The following ERC2 variants were observed in gnomAD, a reference collection of about 807,000 sequenced individuals.
ERC2 encodes the protein ELKS/RAB6-interacting/CAST family member 2.
Under a neutral mutation model 114.8 loss-of-function variants are expected in ERC2, and 42 were observed. The ratio of observed to expected loss-of-function variants is 0.37; its 90% CI spans 0.29 to 0.47. The LOEUF is 0.47. Among genes scored for constraint, ERC2 ranks in the 20% least tolerant of loss-of-function variants. ERC2 has a pLI of 0.99. For missense variants in ERC2, 939 were observed against 1,150.7 expected (o/e 0.82, Z 2.66); for synonymous variants, 454 against 425.5 (o/e 1.07, Z -0.82).
intron 17 of ERC2, among the ~76,000 whole-genome samples, chr3:55,678,962 C>T (rs1020682962): frequency 7.2e-5 from 11 of 152,202 alleles, no homozygotes; most frequent in Admixed American, 4.6e-4. Flanking sequence ...TCAGTGCCAT[C>T]AATTCTCTCA....
intron 2 of ERC2, among the ~76,000 whole-genome samples, chr3:56,310,689 G>A (rs1457747467): frequency 6.6e-6 from 1 of 152,082 alleles, no homozygotes; most frequent in Non-Finnish European, 1.5e-5. Context: ...CTCCAACCCT[G>A]AGAAGGGAGA....
chr3:55,637,754 C>G (rs1205428148), intron 17 of ERC2, among the ~76,000 whole-genome samples: 1 of 152,102 alleles, frequency 6.6e-6, no homozygotes, highest in Non-Finnish European at 1.5e-5. Context: ...CGAGCATCGT[C>G]ACTGGCACAC....
chr3:55,632,422 T>G (rs1207373795), intron 17 of ERC2, among the ~76,000 whole-genome samples: 1 of 152,198 alleles, frequency 6.6e-6, no homozygotes, highest in Non-Finnish European at 1.5e-5. Flanking sequence ...AATCTGGTCT[T>G]AATTCACTGC....
intron 17 of ERC2, among the ~76,000 whole-genome samples, chr3:55,683,293 A>G (rs1020112711): frequency 6.6e-6 from 1 of 152,222 alleles, no homozygotes; most frequent in African/African-American, 2.4e-5. Flanking sequence ...ACAATCCATT[A>G]AACGGCCTTC....
intron 17 of ERC2, among the ~76,000 whole-genome samples, chr3:55,646,143 A>T (rs1388926611): frequency 1.3e-5 from 2 of 152,078 alleles, no homozygotes; most frequent in Non-Finnish European, 2.9e-5. Flanking sequence ...TGTAATAGTG[A>T]ATTTTTGCTT....
chr3:55,647,136 G>C (rs2060428866), intron 17 of ERC2: 2 of 152,076 alleles, frequency 1.3e-5, no homozygotes, highest in Non-Finnish European at 1.5e-5. Context: ...TCCTCTGTAG[G>C]TTCCTCTGCT....
intron 5 of ERC2, among the ~76,000 whole-genome samples, chr3:56,144,574 G>A (rs772694463): frequency 2.8e-4 from 43 of 152,286 alleles, no homozygotes; most frequent in Non-Finnish European, 4.7e-4. Flanking sequence ...AGCCAGTGTC[G>A]GGTTTGGTGT....
At chr3:56,433,556 T>C (rs2061888418) in intron 2 of ERC2, among the ~76,000 whole-genome samples, 1 of 152,310 alleles carries the variant, frequency 6.6e-6, no homozygotes, top group South Asian at 2.1e-4. Flanking sequence ...AGGCTGGAAA[T>C]GTTGGCCCAG....
chr3:55,745,530 C>CTT (rs1329971789), intron 14 of ERC2, among the ~76,000 whole-genome samples: 7 of 152,192 alleles, frequency 4.6e-5, no homozygotes, highest in Non-Finnish European at 8.8e-5. Flanking sequence ...GATGATGGTG[C>CTT]TTGGTCATTC....
Position 56,205,371 on chromosome 3 carries a change from A to G in ERC2, c.1075-31851T>C, listed in dbSNP as rs937374716. 1.1e-4 allele frequency among the ~76,000 whole-genome samples: 17 copies of G among 152,228 alleles called. 1 individual carries two copies. The highest frequency in any genetic ancestry group is 3.3e-4 in the Admixed American group (5 of 15,282). ...CCCCAAGTCCAGGGTGCACTCTTAG[A>G]AAGAGGAGTATCTTTTTACAATTTG... On this transcript the variant is annotated intron_variant, in intron 3 of 17. Coordinates refer to ENST00000288221, the MANE Select transcript of ERC2 (RefSeq NM_015576.3).
intron 14 of ERC2, among the ~76,000 whole-genome samples, chr3:55,777,876 G>A (rs959091562): frequency 2.0e-5 from 3 of 152,048 alleles, no homozygotes; most frequent in South Asian, 2.1e-4. Context: ...AAATGTGACC[G>A]AATTGACTAT....
At chr3:55,836,190 A>G (rs1213069785) in intron 14 of ERC2, among the ~76,000 whole-genome samples, 2 of 152,204 alleles carry the variant, frequency 1.3e-5, no homozygotes, top group African/African-American at 4.8e-5. Context: ...AAGGTAATTT[A>G]TAGATTCAAT....
intron 12 of ERC2, among the ~76,000 whole-genome samples, chr3:55,979,580 T>C (rs1424499541): frequency 6.6e-6 from 1 of 152,198 alleles, no homozygotes; most frequent in Non-Finnish European, 1.5e-5. Flanking sequence ...GCATAAATTA[T>C]TGTACATACA....
intron 10 of ERC2, among the ~76,000 whole-genome samples, chr3:56,001,004 T>C (rs938931773): frequency 6.7e-5 from 10 of 149,188 alleles, no homozygotes; most frequent in African/African-American, 1.2e-4. Context: ...AATAGTTCAT[T>C]ATATGAGAAA....
chr3:55,985,529 T>G (rs1391524671), intron 12 of ERC2, among the ~76,000 whole-genome samples: 4 of 152,226 alleles, frequency 2.6e-5, no homozygotes, highest in Non-Finnish European at 5.9e-5. Flanking sequence ...ATTTATTAAA[T>G]GAAAAGTCTG....
At chr3:56,095,687 GA>G (rs2078024448) in intron 6 of ERC2, among the ~76,000 whole-genome samples, 1 of 152,166 alleles carries the variant, frequency 6.6e-6, no homozygotes, top group Admixed American at 6.5e-5. Flanking sequence ...AGATTCCTAT[GA>G]GGAACTAACT....
intron 13 of ERC2, among the ~76,000 whole-genome samples, chr3:55,928,557 G>C (rs2065885514): frequency 6.6e-6 from 1 of 152,024 alleles, no homozygotes; most frequent in Admixed American, 6.6e-5. Context: ...CCATTCTGTA[G>C]GCTGTCTCTT....
chr3:56,036,940 C>T (rs1234741301), intron 7 of ERC2, among the ~76,000 whole-genome samples: 1 of 152,032 alleles, frequency 6.6e-6, no homozygotes, highest in Non-Finnish European at 1.5e-5. Context: ...CATAGCAGCC[C>T]TATAGAAGAC....
At chr3:56,128,593 G>C (rs764271667) in intron 6 of ERC2, among the ~76,000 whole-genome samples, 1 of 152,104 alleles carries the variant, frequency 6.6e-6, no homozygotes, top group Non-Finnish European at 1.5e-5. Context: ...TGTACTTTTT[G>C]AATTTGGATG....
Sources: gnomAD v4.1 joint callset for allele counts (sites outside exome capture counted in the v4.1 genomes callset) on GRCh38, gnomAD v4.1.1 for gene constraint, MANE v1.5 for transcripts, NCBI Gene and HGNC (gene_info 2026-07-23, HGNC 2026-07-21) for gene names.